CTNNA3: variants seen among roughly 807,000 people sequenced by gnomAD.
CTNNA3 encodes catenin alpha-3.
In CTNNA3, 76 loss-of-function variants were observed where a neutral mutation model predicts 95.7. The observed-to-expected ratio is 0.79, with a 90% CI of 0.66 to 0.96. The LOEUF (loss-of-function observed/expected upper bound fraction) is 0.96. Among genes scored for constraint, CTNNA3 ranks in the 40% least tolerant of loss-of-function variants. The pLI is 0.00. For missense variants in CTNNA3, 1,191 were observed against 1,089.8 expected, an observed-to-expected ratio of 1.09 and a Z score of -1.31; for synonymous variants, 431 against 374.4, an observed-to-expected ratio of 1.15 and a Z score of -1.74.
intron 15 of CTNNA3, among the ~76,000 whole-genome samples, chr10:66,034,216 T>C (rs1468993388): frequency 1.4e-5 from 2 of 139,916 alleles, no homozygotes; most frequent in Non-Finnish European, 3.1e-5. Flanking sequence ...TATTATATTA[T>C]ATAACAACAA....
chr10:66,443,820 C>T (rs186538814), intron 11 of CTNNA3, among the ~76,000 whole-genome samples: 12 of 152,202 alleles, frequency 7.9e-5, no homozygotes, highest in South Asian at 4.1e-4. Context: ...CAAAGCTGGA[C>T]GGAGAATGAC....
chr10:67,372,315 T>C (rs1269570652), intron 5 of CTNNA3, among the ~76,000 whole-genome samples: 1 of 152,244 alleles, frequency 6.6e-6, no homozygotes, highest in Non-Finnish European at 1.5e-5. Context: ...GCCTATGTCC[T>C]GAATGGTAAT....
At chr10:66,258,731 A>G (rs2090885299) in intron 13 of CTNNA3, among the ~76,000 whole-genome samples, 3 of 152,104 alleles carry the variant, frequency 2.0e-5, no homozygotes, top group Admixed American at 2.0e-4. Flanking sequence ...TCCCAGCTTA[A>G]GAGCCTTAGC....
rs1554924694 is a variant in CTNNA3, at chr10:67,116,743, TA to T, written c.1047+63573del. Among the ~76,000 whole-genome samples the T allele has an allele frequency of 1.0e-3, 144 of 139,612 alleles. 1 individual carries two copies. Among genetic ancestry groups the T allele is most frequent in the African/African-American group, 3.7e-3 (141 of 37,982 alleles). 91.6% of individuals were successfully genotyped at this position (139,612 alleles called of 152,430 possible). A position where few individuals can be genotyped will look rare whatever the true frequency, so the allele number is the denominator to read the frequency against. ...GAAAATATATATATATATATATATA[TA>T]ATATATAAAATATGCTTTATGATTT... On this transcript the variant is annotated intron_variant, in intron 7 of 17. Coordinates refer to ENST00000433211, the MANE Select transcript of CTNNA3 (RefSeq NM_013266.4).
chr10:65,930,321 C>G (rs1429193399), intron 17 of CTNNA3, among the ~76,000 whole-genome samples: 1 of 151,930 alleles, frequency 6.6e-6, no homozygotes, highest in African/African-American at 2.4e-5. Context: ...GTAAAGCAAC[C>G]CTCACTTCAC....
intron 13 of CTNNA3, among the ~76,000 whole-genome samples, chr10:66,209,659 A>G (rs555918553): frequency 1.5e-3 from 236 of 152,258 alleles, no homozygotes; most frequent in Admixed American, 3.5e-3. Flanking sequence ...ACATGTTTTG[A>G]AGAGCATGAA....
Position 67,215,433 on chromosome 10 carries a change from G to A in CTNNA3, c.843+4174C>T, listed in dbSNP as rs190708667. Among the ~76,000 whole-genome samples the A allele has an allele frequency of 2.9e-3, 441 of 152,176 alleles. 2 individuals carry two copies. The highest frequency in any genetic ancestry group is 9.3e-3 in the African/African-American group (386 of 41,548). On this transcript the variant is annotated intron_variant, in intron 6 of 17. Transcript: ENST00000433211. ...TGTGAAAACCATCTTCCTTGGAACC[G>A]TATGAGAATTTTTTGAAAGCTGTGT...
intron 1 of CTNNA3, among the ~76,000 whole-genome samples, chr10:67,673,877 G>A (rs1840488211): frequency 6.7e-6 from 1 of 148,328 alleles, no homozygotes; most frequent in African/African-American, 2.5e-5. Context: ...AATAGATTTA[G>A]TTTGTTCCTT....
intron 12 of CTNNA3, among the ~76,000 whole-genome samples, chr10:66,338,795 C>A (rs2132346746): frequency 6.6e-6 from 1 of 151,878 alleles, no homozygotes; most frequent in Admixed American, 6.6e-5. Flanking sequence ...CATCAAGACC[C>A]TTAATTTTTC....
chr10:67,092,984 T>C (rs1671871140), intron 7 of CTNNA3, among the ~76,000 whole-genome samples: 1 of 151,930 alleles, frequency 6.6e-6, no homozygotes, highest in Non-Finnish European at 1.5e-5. Flanking sequence ...TTCTAGAGAG[T>C]AAGTTTTTAT....
chr10:66,629,115 G>A (rs552315404), intron 9 of CTNNA3, among the ~76,000 whole-genome samples: 1 of 152,136 alleles, frequency 6.6e-6, no homozygotes, highest in East Asian at 1.9e-4. Context: ...GGTTTCAAGA[G>A]GATGATATCA....
intron 13 of CTNNA3, among the ~76,000 whole-genome samples, chr10:66,191,448 A>G (rs1443108467): frequency 1.3e-5 from 2 of 151,984 alleles, no homozygotes; most frequent in African/African-American, 4.8e-5. Flanking sequence ...CTTTAACCCA[A>G]TTACCAGGTT....
chr10:67,036,841 G>A (rs1854092768), intron 7 of CTNNA3, among the ~76,000 whole-genome samples: 1 of 152,010 alleles, frequency 6.6e-6, no homozygotes. Flanking sequence ...GAATATTAAA[G>A]TAGGATAAAA....
intron 5 of CTNNA3, among the ~76,000 whole-genome samples, chr10:67,515,320 G>C (rs1286437079): frequency 6.6e-6 from 1 of 152,154 alleles, no homozygotes; most frequent in Admixed American, 6.5e-5. Context: ...TTCTGAATTT[G>C]TTACTGACTC....
At chr10:66,959,276 T>A (rs1158771127) in intron 7 of CTNNA3, among the ~76,000 whole-genome samples, 2 of 152,204 alleles carry the variant, frequency 1.3e-5, no homozygotes, top group Non-Finnish European at 2.9e-5. Context: ...GTGATAATGG[T>A]AGCATTCTCA....
At chr10:66,188,577 TG>T (rs148261423) in intron 13 of CTNNA3, among the ~76,000 whole-genome samples, 1 of 93,540 alleles carries the variant, frequency 1.1e-5, no homozygotes, top group Non-Finnish European at 2.4e-5. Context: ...TGTGTGTGTG[TG>T]GGGGGAGGGG....
chr10:66,654,569 C>T (rs900329160), intron 9 of CTNNA3, among the ~76,000 whole-genome samples: 1 of 151,898 alleles, frequency 6.6e-6, no homozygotes, highest in South Asian at 2.1e-4. Context: ...TTTGAAAATA[C>T]CACTACAATA....
intron 12 of CTNNA3, among the ~76,000 whole-genome samples, chr10:66,285,506 A>T (rs1473634266): frequency 6.6e-6 from 1 of 151,848 alleles, no homozygotes; most frequent in East Asian, 1.9e-4. Flanking sequence ...GATGAAGATT[A>T]AGCTCTTTCA....
chr10:66,009,817 G>A (rs553491623), intron 15 of CTNNA3, among the ~76,000 whole-genome samples: 1 of 152,280 alleles, frequency 6.6e-6, no homozygotes, highest in African/African-American at 2.4e-5. Context: ...ACTCATGCTC[G>A]GTTTTCCCAG....
Sources: allele counts gnomAD v4.1 joint callset (sites outside exome capture counted in the v4.1 genomes callset), GRCh38; gene constraint gnomAD v4.1.1; transcripts MANE v1.5; gene names NCBI Gene and HGNC (gene_info 2026-07-23, HGNC 2026-07-21).